The following DYNLT2B variants were observed in gnomAD, a reference collection of about 807,000 sequenced individuals.
DYNLT2B encodes the protein dynein light chain Tctex-type protein 2B.
A neutral mutation model predicts 19.5 loss-of-function variants in DYNLT2B; 14 were observed. That is an observed-to-expected ratio of 0.72 (90% CI 0.47 to 1.12). DYNLT2B has a LOEUF of 1.12. Among genes scored for constraint, DYNLT2B ranks in the 50% most tolerant of loss-of-function variants. The pLI is 0.00. For synonymous variants in DYNLT2B, 70 were observed against 59.7 expected (o/e 1.17, Z -0.79); for missense variants, 133 against 174.7 (o/e 0.76, Z 1.35).
intron 3 of DYNLT2B, 41 bp downstream of exon 3, chr3:196,306,902 A>C (rs1489640494): frequency 6.4e-7 from 1 of 1,562,722 alleles, no homozygotes; most frequent in Non-Finnish European, 8.8e-7. Context: ...CTCATAAGAA[A>C]TATAGATGAC....
At chr3:196,300,777 T>C (rs891336644) in intron 3 of DYNLT2B, among the ~76,000 whole-genome samples, 1 of 139,558 alleles carries the variant, frequency 7.2e-6, no homozygotes, top group African/African-American at 2.7e-5. Context: ...AGGCTGGGTG[T>C]GGTGGCTCAC....
rs141412719 is a variant in DYNLT2B, at chr3:196,318,097, T to C, written c.56A>G (p.Glu19Gly). ...FSVGDGVPEAEKNAGEPENTY... is the reference protein window; with the variant it reads ...FSVGDGVPEAGKNAGEPENTY... ...GTTCTCGGGCTCCCCTGCGTTCTTC[T>C]CAGCCTCAGGCACCCCGTCGCCCAC... The change falls in exon 1 of 5, where the codon GAG becomes GGG. Residue 19 changes from glutamate to glycine, a missense_variant. Coordinates refer to ENST00000325318, the MANE Select transcript of DYNLT2B (RefSeq NM_152773.5). 4.5e-6 allele frequency: 7 copies of C among 1,566,700 alleles called. No homozygotes were observed. In the East Asian group the frequency reaches 1.8e-4, roughly 40 times the overall value.
chr3:196,310,737 T>G (rs1477620976), intron 2 of DYNLT2B, among the ~76,000 whole-genome samples: 1 of 150,974 alleles, frequency 6.6e-6, no homozygotes, highest in Non-Finnish European at 1.5e-5. Flanking sequence ...CTGTTTTGTT[T>G]TGTTTTTGTT....
chr3:196,294,389 A>C (rs1186426800), intron 4 of DYNLT2B, among the ~76,000 whole-genome samples: 3 of 152,336 alleles, frequency 2.0e-5, no homozygotes, highest in Non-Finnish European at 4.4e-5. Flanking sequence ...GTGAGACCAT[A>C]GAATTTTAGA....
intron 3 of DYNLT2B, chr3:196,298,131 A>G (rs1726267456): frequency 2.8e-6 from 1 of 351,828 alleles, no homozygotes; most frequent in East Asian, 7.6e-5. Flanking sequence ...CCAGTTTTCA[A>G]CCAGATCCAC....
intron 4 of DYNLT2B, 86 bp from the exon 5 acceptor site, chr3:196,291,460 A>G: frequency 7.2e-7 from 1 of 1,389,268 alleles, no homozygotes; most frequent in Non-Finnish European, 9.9e-7. Flanking sequence ...TGAAACTAAC[A>G]CCATCTCAGA....
chr3:196,298,885 G>A (rs1726283083), intron 3 of DYNLT2B, among the ~76,000 whole-genome samples: 1 of 152,034 alleles, frequency 6.6e-6, no homozygotes, highest in Non-Finnish European at 1.5e-5. Flanking sequence ...AGGAGAGTTG[G>A]CAGTCTTTAC....
chr3:196,295,143 G>A (rs1726190562), intron 4 of DYNLT2B, among the ~76,000 whole-genome samples: 1 of 151,888 alleles, frequency 6.6e-6, no homozygotes, highest in Non-Finnish European at 1.5e-5. Context: ...AATCCTTTCT[G>A]GAGTAAATAT....
chr3:196,304,894 C>T (rs1478666413), intron 3 of DYNLT2B, among the ~76,000 whole-genome samples: 1 of 152,038 alleles, frequency 6.6e-6, no homozygotes. Context: ...ACCTACCTAC[C>T]TATCTGAGGC....
chr3:196,318,072 G>A lies in DYNLT2B; in HGVS notation c.81C>T (p.Asn27=). ...GGAAAACAGGCCGCAGAATATAGGT[G>A]TTCTCGGGCTCCCCTGCGTTCTTCT... ...EAEKNAGEPE[N]TYILRPVFQQ... Residue 27 remains asparagine, a synonymous_variant, in exon 1 of 5, where the codon AAC becomes AAT. Transcript: ENST00000325318. The A allele has an allele frequency of 6.4e-7, 1 of 1,564,678 alleles. No individual in the cohort carries two copies. The highest frequency in any genetic ancestry group is 1.2e-5 in the South Asian group (1 of 85,024).
intron 3 of DYNLT2B, among the ~76,000 whole-genome samples, chr3:196,298,990 C>G (rs1726285672): frequency 6.6e-6 from 1 of 152,138 alleles, no homozygotes; most frequent in Non-Finnish European, 1.5e-5. Context: ...CAGCTCACTG[C>G]AACCTCTGCC....
intron 4 of DYNLT2B, chr3:196,292,405 A>G (rs1209512236): frequency 6.6e-6 from 1 of 152,224 alleles, no homozygotes; most frequent in African/African-American, 2.4e-5. Context: ...TTGGGTGGAT[A>G]ACTCTGAACT....
rs1040440392 is a variant in DYNLT2B, at chr3:196,317,182, T to G, written c.113+858A>C. ...GTGTGTGTGTGTGTGTGTGTGTGTG[T>G]TGTGTGTGTGTGTGTAAAGTTAGTG... is the stretch of plus-strand genomic sequence containing the variant. On this transcript the variant is annotated intron_variant, in intron 1 of 4. Transcript: ENST00000325318. 2.3e-3 allele frequency among the ~76,000 whole-genome samples: 113 copies of G among 48,394 alleles called. 1 individual carries two copies. Among genetic ancestry groups the G allele is most frequent in the African/African-American group, 3.0e-3 (35 of 11,684 alleles). The allele number at this position is 48,394 out of a possible 152,430, so 31.7% of individuals were successfully genotyped here.
chr3:196,309,818 G>T (rs1373233672), intron 2 of DYNLT2B, among the ~76,000 whole-genome samples: 2 of 151,388 alleles, frequency 1.3e-5, no homozygotes, highest in East Asian at 4.0e-4. Flanking sequence ...GCGTGGTGGT[G>T]CACGCCTGTA....
rs746251946 is a variant in DYNLT2B, at chr3:196,306,958, CTT to C, written c.300_301del (p.Gly102Ter). The C allele has an allele frequency of 6.2e-7, 1 of 1,614,060 alleles. No individual in the cohort carries two copies. The highest frequency in any genetic ancestry group is 1.3e-5 in the African/African-American group (1 of 75,064). On this transcript the variant is annotated frameshift_variant, in exon 3 of 5. Coordinates refer to ENST00000325318, the MANE Select transcript of DYNLT2B (RefSeq NM_152773.5). LOFTEE classifies it high-confidence loss of function. ...AGCTACTCACAATACTCCTTCACCT[CTT>C]TGTTCTCCAATCACTACTTGCACCA...
At chr3:196,296,121 G>T in intron 3 of DYNLT2B, 52 bp from the exon 4 acceptor site, 1 of 1,453,878 alleles carries the variant, frequency 6.9e-7, no homozygotes, top group South Asian at 1.1e-5. Flanking sequence ...GGACCTAAAC[G>T]ACACATATCT....
At chr3:196,301,950 T>C (rs1726365096) in intron 3 of DYNLT2B, among the ~76,000 whole-genome samples, 2 of 150,854 alleles carry the variant, frequency 1.3e-5, no homozygotes, top group African/African-American at 4.9e-5. Context: ...AATAGAAAAA[T>C]ATACAAATTG....
intron 2 of DYNLT2B, among the ~76,000 whole-genome samples, chr3:196,307,710 A>T (rs767075773): frequency 1.6e-4 from 24 of 152,310 alleles, no homozygotes; most frequent in Non-Finnish European, 2.5e-4. Flanking sequence ...TAGTGAGCTG[A>T]ACCTTCAAGA....
At chr3:196,300,813 T>C (rs1206958481) in intron 3 of DYNLT2B, among the ~76,000 whole-genome samples, 2 of 150,676 alleles carry the variant, frequency 1.3e-5, no homozygotes, top group South Asian at 2.1e-4. Context: ...ACTTGGGCAC[T>C]TGGGGAGGCC....
Sources: allele counts gnomAD v4.1 joint callset (sites outside exome capture counted in the v4.1 genomes callset), GRCh38; gene constraint gnomAD v4.1.1; transcripts MANE v1.5; gene names NCBI Gene and HGNC (gene_info 2026-07-23, HGNC 2026-07-21).